The following PTPRD variants were observed in gnomAD, a reference collection of about 807,000 sequenced individuals.
The protein encoded by PTPRD is receptor-type tyrosine-protein phosphatase delta.
In PTPRD, 34 loss-of-function variants were observed where a neutral mutation model predicts 214.5. The ratio of observed to expected loss-of-function variants is 0.16; its 90% CI spans 0.12 to 0.21. The LOEUF (loss-of-function observed/expected upper bound fraction) is 0.21, where lower values mean the gene tolerates loss of function less well. Among genes scored for constraint, PTPRD ranks in the 10% least tolerant of loss-of-function variants. The pLI is 1.00. For missense variants in PTPRD, 2,545 were observed against 2,398.7 expected (o/e 1.06, Z -1.27); for synonymous variants, 1,128 against 845.7 (o/e 1.33, Z -5.79).
At chr9:10,500,914 C>A (rs2043483891) in intron 2 of PTPRD, among the ~76,000 whole-genome samples, 1 of 151,696 alleles carries the variant, frequency 6.6e-6, no homozygotes, top group Non-Finnish European at 1.5e-5. Context: ...GTATATATAC[C>A]ACGTTTTCTT....
chr9:8,921,199 G>A (rs1162129783), intron 11 of PTPRD, among the ~76,000 whole-genome samples: 1 of 152,192 alleles, frequency 6.6e-6, no homozygotes, highest in Non-Finnish European at 1.5e-5. Flanking sequence ...CACATTAGAA[G>A]ATAGTTGTAC....
chr9:9,576,643 G>C lies in PTPRD; in HGVS notation c.-286-1862C>G, dbSNP rs187937990. On this transcript the variant is annotated intron_variant, in intron 7 of 45. Transcript: ENST00000381196. ...ATTAAATTTTGGTTAAATGTTAAAA[G>C]GTTGAGTATTAGAATTAACATTTGG... is the stretch of plus-strand genomic sequence containing the variant. Among the ~76,000 whole-genome samples the C allele has an allele frequency of 6.0e-3, 908 of 152,232 alleles. 5 individuals carry two copies. Among genetic ancestry groups the C allele is most frequent in the Middle Eastern group, 0.024 (7 of 294 alleles).
At chr9:9,239,924 G>T (rs2099969518) in intron 9 of PTPRD, among the ~76,000 whole-genome samples, 1 of 152,158 alleles carries the variant, frequency 6.6e-6, no homozygotes, top group South Asian at 2.1e-4. Flanking sequence ...AACCCAGGAT[G>T]ACTAGAGGTG....
chr9:10,181,006 G>T (rs1379803041), intron 3 of PTPRD, among the ~76,000 whole-genome samples: 1 of 152,002 alleles, frequency 6.6e-6, no homozygotes, highest in Non-Finnish European at 1.5e-5. Context: ...ATAGCATCAG[G>T]ATTGTCTTCT....
chr9:8,949,827 T>C (rs777061302), intron 11 of PTPRD, among the ~76,000 whole-genome samples: 1 of 152,180 alleles, frequency 6.6e-6, no homozygotes, highest in Non-Finnish European at 1.5e-5. Flanking sequence ...TCGGTCCAAT[T>C]TGAATTTTGA....
intron 10 of PTPRD, among the ~76,000 whole-genome samples, chr9:9,097,645 C>T (rs1321595501): frequency 2.0e-5 from 3 of 151,966 alleles, no homozygotes; most frequent in South Asian, 4.2e-4. Flanking sequence ...CTCTTGACCT[C>T]GTGATCTGCC....
In PTPRD at chr9:9,190,421, T is replaced by G. The variant is rs564831510; in HGVS notation, c.-202-7058A>C. On this transcript the variant is annotated intron_variant, in intron 9 of 45. Coordinates refer to ENST00000381196, the MANE Select transcript of PTPRD (RefSeq NM_002839.4). ...CGAGATCCAGTGGGTTTATCAGGGG[T>G]TTCTGTTTTGCTTCTTCCGCATTTT... 2.6e-4 allele frequency among the ~76,000 whole-genome samples: 40 copies of G among 151,874 alleles called. No homozygotes were observed. In the South Asian group the frequency reaches 6.0e-3, roughly 23 times the overall value.
At chr9:9,806,001 C>G (rs956681402) in intron 5 of PTPRD, among the ~76,000 whole-genome samples, 1 of 152,106 alleles carries the variant, frequency 6.6e-6, no homozygotes, top group Non-Finnish European at 1.5e-5. Flanking sequence ...GAATGGTGAT[C>G]CTAACCCTCA....
At chr9:9,577,622 T>C (rs959306352) in intron 7 of PTPRD, among the ~76,000 whole-genome samples, 3 of 152,006 alleles carry the variant, frequency 2.0e-5, no homozygotes, top group African/African-American at 2.4e-5. Flanking sequence ...TGTGCATAAA[T>C]AACTATTTTC....
At chr9:9,989,224 G>A (rs1452681969) in intron 4 of PTPRD, among the ~76,000 whole-genome samples, 1 of 151,930 alleles carries the variant, frequency 6.6e-6, no homozygotes, top group Non-Finnish European at 1.5e-5. Context: ...AGTGGATGTG[G>A]GTCCCTGGCG....
At chr9:8,497,387 T>A in intron 25 of PTPRD, 119 bp from the exon 26 acceptor site, 1 of 752,018 alleles carries the variant, frequency 1.3e-6, no homozygotes, top group Non-Finnish European at 2.0e-6. Flanking sequence ...AAGCAGTGTG[T>A]ACAATAAAAT....
At chr9:10,387,942 T>G (rs2097956828) in intron 2 of PTPRD, among the ~76,000 whole-genome samples, 1 of 144,054 alleles carries the variant, frequency 6.9e-6, no homozygotes, top group South Asian at 2.2e-4. Flanking sequence ...ATTACAGGAG[T>G]GAGCCACTGT....
chr9:10,493,977 A>G (rs879828739), intron 2 of PTPRD, among the ~76,000 whole-genome samples: 6 of 152,002 alleles, frequency 3.9e-5, no homozygotes, highest in Non-Finnish European at 5.9e-5. Context: ...TACTGTATTC[A>G]ACATTAATCT....
chr9:10,330,196 T>C (rs558950289), intron 3 of PTPRD, among the ~76,000 whole-genome samples: 1 of 151,986 alleles, frequency 6.6e-6, no homozygotes, highest in Admixed American at 6.6e-5. Flanking sequence ...TTGACCTTAC[T>C]CTGCTCTGTG....
intron 11 of PTPRD, among the ~76,000 whole-genome samples, chr9:8,974,958 G>T (rs1567341785): frequency 6.6e-6 from 1 of 151,690 alleles, no homozygotes; most frequent in Non-Finnish European, 1.5e-5. Context: ...TTACCTAGGT[G>T]TGGTGGCGGG....
chr9:10,425,261 A>T (rs746595783), intron 2 of PTPRD, among the ~76,000 whole-genome samples: 18 of 152,006 alleles, frequency 1.2e-4, no homozygotes, highest in Non-Finnish European at 2.5e-4. Context: ...TTAGTGAGGT[A>T]TTAAAATGCT....
chr9:8,934,500 T>TATAA (rs2098981940), intron 11 of PTPRD, among the ~76,000 whole-genome samples: 1 of 27,562 alleles, frequency 3.6e-5, no homozygotes, highest in African/African-American at 1.5e-4. Context: ...TATAAATATA[T>TATAA]ATATAAATAT....
chr9:9,933,643 C>T (rs1240748233), intron 5 of PTPRD, among the ~76,000 whole-genome samples: 1 of 149,076 alleles, frequency 6.7e-6, no homozygotes, highest in African/African-American at 2.6e-5. Context: ...ACTTTAACAC[C>T]CCACTGTCAA....
chr9:9,252,899 T>A (rs909473645), intron 9 of PTPRD, among the ~76,000 whole-genome samples: 1 of 152,062 alleles, frequency 6.6e-6, no homozygotes, highest in African/African-American at 2.4e-5. Flanking sequence ...ATTTTACCTC[T>A]CCTACACTTT....
Sources: allele counts gnomAD v4.1 joint callset (sites outside exome capture counted in the v4.1 genomes callset), GRCh38; gene constraint gnomAD v4.1.1; transcripts MANE v1.5; gene names NCBI Gene and HGNC (gene_info 2026-07-23, HGNC 2026-07-21).